PPP1R12B: variants seen among roughly 807,000 people sequenced by gnomAD.
The protein encoded by PPP1R12B is protein phosphatase 1 regulatory subunit 12B.
A neutral mutation model predicts 126.1 loss-of-function variants in PPP1R12B; 76 were observed. The observed-to-expected ratio is 0.60, with a 90% CI of 0.50 to 0.73. The LOEUF (loss-of-function observed/expected upper bound fraction) is 0.73. Among genes scored for constraint, PPP1R12B ranks in the 30% least tolerant of loss-of-function variants. The pLI is 0.00. For missense variants in PPP1R12B, 1,052 were observed against 1,205.1 expected (o/e 0.87, Z 1.88); for synonymous variants, 356 against 434.7 (o/e 0.82, Z 2.25).
At chr1:202,352,957 TC>T (rs1254593403) in intron 1 of PPP1R12B, among the ~76,000 whole-genome samples, 1 of 152,128 alleles carries the variant, frequency 6.6e-6, no homozygotes, top group Non-Finnish European at 1.5e-5. Flanking sequence ...ACCCTCAAGG[TC>T]ACACCAGACT....
intron 21 of PPP1R12B, among the ~76,000 whole-genome samples, chr1:202,566,207 G>T (rs1183630648): frequency 6.6e-6 from 1 of 152,212 alleles, no homozygotes; most frequent in African/African-American, 2.4e-5. Flanking sequence ...CTAACAAGCT[G>T]CTGACATTGA....
In PPP1R12B at chr1:202,580,617, CT is replaced by C; in HGVS notation, c.*61del. The stretch of plus-strand genomic sequence containing the variant: ...GACAGCATTTGCTGCCCCCACCCCT[CT>C]TTTCCAGTCCTTGCCTTCCAACCAA... On this transcript the variant is annotated 3_prime_UTR_variant, in exon 24 of 24. Transcript: ENST00000608999. 1.4e-6 allele frequency: 2 copies of C among 1,403,702 alleles called. No homozygotes were observed. The highest frequency in any genetic ancestry group is 2.3e-5 in the East Asian group (1 of 43,684). The allele number at this position is 1,403,702 out of a possible 1,614,324, so 87.0% of individuals were successfully genotyped here. A position where few individuals can be genotyped will look rare whatever the true frequency, so the allele number is the denominator to read the frequency against.
intron 13 of PPP1R12B, among the ~76,000 whole-genome samples, chr1:202,481,034 G>A (rs1336973855): frequency 1.3e-5 from 2 of 152,166 alleles, no homozygotes; most frequent in Non-Finnish European, 2.9e-5. Context: ...AGATCATCAG[G>A]CATTAGTTAG....
At chr1:202,571,294 C>G (rs1391912340) in intron 23 of PPP1R12B, among the ~76,000 whole-genome samples, 2 of 152,138 alleles carry the variant, frequency 1.3e-5, no homozygotes, top group East Asian at 1.9e-4. Flanking sequence ...TTCCTTTCCT[C>G]AAGAGATTAT....
At chr1:202,357,335 A>G (rs1187628662) in intron 1 of PPP1R12B, among the ~76,000 whole-genome samples, 1 of 152,166 alleles carries the variant, frequency 6.6e-6, no homozygotes, top group Non-Finnish European at 1.5e-5. Flanking sequence ...CTGTAAAAAG[A>G]CTGTTGGATT....
At chr1:202,474,910 A>G (rs745861085) in intron 13 of PPP1R12B, among the ~76,000 whole-genome samples, 1 of 152,206 alleles carries the variant, frequency 6.6e-6, no homozygotes, top group East Asian at 1.9e-4. Flanking sequence ...ATGAAATATA[A>G]GAAATGTAGT....
intron 11 of PPP1R12B, among the ~76,000 whole-genome samples, 172 bp downstream of exon 11, chr1:202,440,960 G>C (rs112568418): frequency 1.3e-5 from 2 of 152,112 alleles, no homozygotes; most frequent in African/African-American, 4.8e-5. Flanking sequence ...TTGCTTTGCT[G>C]GTTCTTTATT....
intron 13 of PPP1R12B, among the ~76,000 whole-genome samples, chr1:202,485,465 G>A (rs1677976147): frequency 6.6e-6 from 1 of 152,108 alleles, no homozygotes; most frequent in Non-Finnish European, 1.5e-5. Flanking sequence ...AAAGTTAACT[G>A]TATGAACTCT....
At chr1:202,463,743 A>G (rs868665410) in intron 13 of PPP1R12B, among the ~76,000 whole-genome samples, 8 of 152,166 alleles carry the variant, frequency 5.3e-5, no homozygotes, top group South Asian at 2.1e-4. Flanking sequence ...CAGAGGACCA[A>G]TTTCTGGACA....
At chr1:202,494,834 G>A (rs553549125) in intron 15 of PPP1R12B, among the ~76,000 whole-genome samples, 1 of 152,276 alleles carries the variant, frequency 6.6e-6, no homozygotes, top group Non-Finnish European at 1.5e-5. Context: ...TCAGAACTCG[G>A]TAGGATACTC....
chr1:202,365,679 G>A (rs1659094979), intron 1 of PPP1R12B, among the ~76,000 whole-genome samples: 1 of 152,022 alleles, frequency 6.6e-6, no homozygotes, highest in African/African-American at 2.4e-5. Context: ...GGTTGTGCTG[G>A]TTTTCTGAAA....
intron 1 of PPP1R12B, among the ~76,000 whole-genome samples, chr1:202,391,320 C>T (rs1477040848): frequency 3.3e-5 from 5 of 151,914 alleles, no homozygotes; most frequent in African/African-American, 4.8e-5. Flanking sequence ...CAATGAAAAC[C>T]GTAATGAGAT....
chr1:202,367,697 C>T (rs933700368), intron 1 of PPP1R12B, among the ~76,000 whole-genome samples: 3 of 152,164 alleles, frequency 2.0e-5, no homozygotes. Flanking sequence ...ATGAACTTTC[C>T]TCACCTTCTC....
At chr1:202,578,723 C>G (rs1689319022) in intron 23 of PPP1R12B, among the ~76,000 whole-genome samples, 1 of 152,240 alleles carries the variant, frequency 6.6e-6, no homozygotes, top group Admixed American at 6.5e-5. Flanking sequence ...ACTTCCACAT[C>G]TGTTACCTCC....
chr1:202,557,762 G>A (rs1687107880), intron 18 of PPP1R12B, among the ~76,000 whole-genome samples: 1 of 152,212 alleles, frequency 6.6e-6, no homozygotes, highest in African/African-American at 2.4e-5. Flanking sequence ...ATTCTGATGA[G>A]TATAACCCCT....
intron 1 of PPP1R12B, among the ~76,000 whole-genome samples, chr1:202,355,030 G>A (rs995734790): frequency 9.2e-5 from 14 of 151,436 alleles, no homozygotes; most frequent in African/African-American, 1.5e-4. Flanking sequence ...GGTTTTGGGC[G>A]GGTGGATCAC....
chr1:202,360,267 C>A (rs919232270), intron 1 of PPP1R12B, among the ~76,000 whole-genome samples: 4 of 152,126 alleles, frequency 2.6e-5, no homozygotes, highest in Non-Finnish European at 5.9e-5. Flanking sequence ...GATTTAGTGG[C>A]CATTGATGGC....
intron 13 of PPP1R12B, among the ~76,000 whole-genome samples, chr1:202,470,787 C>T (rs1305003203): frequency 6.6e-6 from 1 of 152,062 alleles, no homozygotes; most frequent in East Asian, 1.9e-4. Context: ...TGCCTGTAAT[C>T]CCAGCTACTC....
intron 1 of PPP1R12B, among the ~76,000 whole-genome samples, chr1:202,416,182 C>T (rs1033499465): frequency 7.2e-5 from 11 of 152,138 alleles, no homozygotes; most frequent in African/African-American, 2.7e-4. Context: ...TCATTTGTAG[C>T]ACTTTAGAAA....
Sources: allele counts gnomAD v4.1 joint callset (sites outside exome capture counted in the v4.1 genomes callset), GRCh38; gene constraint gnomAD v4.1.1; transcripts MANE v1.5; gene names NCBI Gene and HGNC (gene_info 2026-07-23, HGNC 2026-07-21).